Variants in UNKL observed in about 807,000 individuals in gnomAD.
UNKL encodes putative E3 ubiquitin-protein ligase UNKL.
A neutral mutation model predicts 78.0 loss-of-function variants in UNKL; 60 were observed. The ratio of observed to expected loss-of-function variants is 0.77; its 90% CI spans 0.63 to 0.95. The LOEUF (loss-of-function observed/expected upper bound fraction) is 0.95, where lower values mean the gene tolerates loss of function less well. UNKL is among the 40% of genes least tolerant of loss of function. The pLI is 0.00. For synonymous variants in UNKL, 608 were observed against 474.8 expected (o/e 1.28, Z -3.65); for missense variants, 1,159 against 1,045.7 (o/e 1.11, Z -1.49).
In UNKL at chr16:1,363,321, G is replaced by A. The variant is rs1205292619; in HGVS notation, c.*2919C>T. ...TTTAAACAAGTGTTAACTTTAAACA[G>A]TTCGCTACAAGTAAATGATTATAAA... On this transcript the variant is annotated 3_prime_UTR_variant, in exon 15 of 15. Transcript: ENST00000389221. 1.8e-6 allele frequency: 1 copy of A among 544,426 alleles called. No individual in the cohort carries two copies. The highest frequency in any genetic ancestry group is 3.1e-5 in the Admixed American group (1 of 32,294). The allele number at this position is 544,426 out of a possible 1,614,324, so 33.7% of individuals were successfully genotyped here.
chr16:1,412,845 C>T (rs985624441), intron 2 of UNKL, among the ~76,000 whole-genome samples: 2 of 151,208 alleles, frequency 1.3e-5, no homozygotes, highest in Admixed American at 6.6e-5. Context: ...ATCGCTGTGC[C>T]CAGGAGGTTG....
Position 1,403,170 on chromosome 16 carries a change from G to T in UNKL, c.462C>A (p.Val154=). Residue 154 remains valine (V), a splice_region_variant and synonymous_variant, in exon 3 of 15, where the codon GTC becomes GTA. Coordinates refer to ENST00000389221, the MANE Select transcript of UNKL (RefSeq NM_001372107.1). This position sits in a 1 kb window ranked among gnomAD's most constrained non-coding sequence, Gnocchi z 4.8. ...PLDLRPPVCD[V]RELQAQEALQ... is the part of the protein sequence containing the mutation. ...CCCACTCGTGGATGCCCACTCACCTGACGTCACACACGGGCGGCCGCAGGT... is the reference window on the plus strand; with the variant it reads ...CCCACTCGTGGATGCCCACTCACCTTACGTCACACACGGGCGGCCGCAGGT... The T allele has an allele frequency of 6.2e-7, 1 of 1,610,802 alleles. No homozygotes were observed. The highest frequency in any genetic ancestry group is 1.1e-5 in the South Asian group (1 of 90,844).
At chr16:1,400,631 C>T (rs938513997) in intron 4 of UNKL, among the ~76,000 whole-genome samples, 2 of 151,772 alleles carry the variant, frequency 1.3e-5, no homozygotes, top group African/African-American at 2.4e-5. Context: ...ACACTGCAGA[C>T]GTGCTAAATG....
chr16:1,393,059 G>A lies in UNKL; in HGVS notation c.938-83C>T, dbSNP rs183016121. ...CAGAAGTCTCCGCACCACACGTCAG[G>A]GCCGAGTGTGCGCAGCCTCGTCACA... On this transcript the variant is annotated intron_variant, in intron 7 of 14. Transcript: ENST00000389221. 465 of 1,386,150 alleles carry A rather than the reference G, an allele frequency of 3.4e-4. 6 individuals are homozygous for A. The East Asian group carries it at 1.0e-2, about 30-fold the overall frequency. 85.9% of individuals were successfully genotyped at this position (1,386,150 alleles called of 1,614,324 possible).
chr16:1,405,334 G>A (rs1293007327), intron 2 of UNKL, among the ~76,000 whole-genome samples: 4 of 152,114 alleles, frequency 2.6e-5, no homozygotes, highest in South Asian at 2.1e-4. Flanking sequence ...AGTGGCTCAC[G>A]CCTGTGATCC....
intron 7 of UNKL, among the ~76,000 whole-genome samples, chr16:1,393,373 A>G (rs2037130089): frequency 6.6e-6 from 1 of 151,940 alleles, no homozygotes; most frequent in African/African-American, 2.4e-5. Context: ...AACCCACTGC[A>G]GCGTGGAGGA....
At position 1,363,604 on chromosome 16, in the gene UNKL, G is replaced by T. The variant is rs1387634898; in HGVS notation, c.*2636C>A. Reference sequence around the variant, plus strand: ...ACGCCCCGTGCCCGCCATGGCCACAGGGGGGAGCTGCTGGGCGCGCCTCCA... The same window carrying T: ...ACGCCCCGTGCCCGCCATGGCCACATGGGGGAGCTGCTGGGCGCGCCTCCA... On this transcript the variant is annotated 3_prime_UTR_variant, in exon 15 of 15. Coordinates refer to ENST00000389221, the MANE Select transcript of UNKL (RefSeq NM_001372107.1). 3 of 210,604 alleles carry T rather than the reference G, an allele frequency of 1.4e-5. No homozygotes were observed. Among genetic ancestry groups the T allele is most frequent in the Admixed American group, 5.3e-5 (1 of 18,700 alleles). 13.0% of individuals were successfully genotyped at this position (210,604 alleles called of 1,614,324 possible). A position where few individuals can be genotyped will look rare whatever the true frequency, so the allele number is the denominator to read the frequency against.
intron 10 of UNKL, among the ~76,000 whole-genome samples, chr16:1,378,376 G>T (rs1483189168): frequency 1.3e-5 from 2 of 152,228 alleles, no homozygotes; most frequent in Non-Finnish European, 2.9e-5. Flanking sequence ...CCAGGATCAG[G>T]ATATGGCAGC....
chr16:1,412,681 G>A (rs1370840002), intron 2 of UNKL, among the ~76,000 whole-genome samples: 2 of 152,178 alleles, frequency 1.3e-5, no homozygotes, highest in Admixed American at 6.5e-5. Context: ...TAAACATCAA[G>A]AGACGAAACA....
In UNKL at chr16:1,385,295, C is replaced by A. The variant is rs1025202428; in HGVS notation, c.1177G>T (p.Gly393Cys). 1 of 1,374,758 alleles carries A rather than the reference C, an allele frequency of 7.3e-7. No individual in the cohort carries two copies. Among genetic ancestry groups the A allele is most frequent in the East Asian group, 3.0e-5 (1 of 32,924 alleles). 85.2% of individuals were successfully genotyped at this position (1,374,758 alleles called of 1,614,324 possible). The change falls in exon 10 of 15, where the codon GGC becomes TGC. Residue 393 changes from glycine to cysteine, a missense_variant. Physicochemically the swap from Gly to Cys is radical, Grantham distance 159. Coordinates refer to ENST00000389221, the MANE Select transcript of UNKL (RefSeq NM_001372107.1). ...ASSLASSAGS[G>C]SSSPTALPAP... ...GGCAGCGCAGTGGGGGAGGAGCTGC[C>A]GGAGCCGGCGCTGGACGCCAGGCTG...
Position 1,364,403 on chromosome 16 carries a change from C to T in UNKL, c.*1837G>A, listed in dbSNP as rs2035067191. ...GCACTTAAAAAATGCTATTAAAAGT[C>T]TTTGGCAAAGCCACGGTCGGGGAGA... On this transcript the variant is annotated 3_prime_UTR_variant, in exon 15 of 15. Transcript: ENST00000389221. 6.6e-6 allele frequency: 1 copy of T among 152,246 alleles called. No individual in the cohort carries two copies. Among genetic ancestry groups the T allele is most frequent in the Non-Finnish European group, 1.5e-5 (1 of 68,038 alleles). 9.4% of individuals were successfully genotyped at this position (152,246 alleles called of 1,614,324 possible).
In UNKL at chr16:1,367,001, G is replaced by A. The variant is rs1007032462; in HGVS notation, c.2046+91C>T. The A allele has an allele frequency of 1.3e-5, 19 of 1,437,284 alleles. No homozygotes were observed. The Admixed American group carries it at 1.7e-4, about 12-fold the overall frequency. 89.0% of individuals were successfully genotyped at this position (1,437,284 alleles called of 1,614,324 possible). ...AGCAGACCCTGGGGCAGGGGAGGAA[G>A]GGGACACCGCACCAGCCAGGGCCCT... On this transcript the variant is annotated intron_variant, in intron 14 of 14. Transcript: ENST00000389221.
At chr16:1,390,814 G>C in intron 8 of UNKL, 120 bp from the exon 9 acceptor site, 1 of 1,056,504 alleles carries the variant, frequency 9.5e-7, no homozygotes. Flanking sequence ...CGGATCATCT[G>C]AGCTCAGGAG....
chr16:1,409,291 T>C (rs2037926813), intron 2 of UNKL, among the ~76,000 whole-genome samples: 1 of 152,148 alleles, frequency 6.6e-6, no homozygotes, highest in Non-Finnish European at 1.5e-5. Context: ...TATTTACAAA[T>C]TCCGAGGCAA....
Position 1,385,315 on chromosome 16 carries a change from A to G in UNKL, c.1157T>C (p.Leu386Pro). 7.1e-7 allele frequency: 1 copy of G among 1,412,174 alleles called. No individual in the cohort carries two copies. Among genetic ancestry groups the G allele is most frequent in the Non-Finnish European group, 9.2e-7 (1 of 1,087,910 alleles). The allele number at this position is 1,412,174 out of a possible 1,614,324, so 87.5% of individuals were successfully genotyped here. ...PSVSSSVASSLASSAGSGSSS... is the reference protein window; with the variant it reads ...PSVSSSVASSPASSAGSGSSS... ...GCTGCCGGAGCCGGCGCTGGACGCCAGGCTGGACGCCACGCTGGAGCTCAC... is the reference window on the plus strand; with the variant it reads ...GCTGCCGGAGCCGGCGCTGGACGCCGGGCTGGACGCCACGCTGGAGCTCAC... Residue 386 changes from leucine (L) to proline (P), a missense_variant, in exon 10 of 15, where the codon CTG (leucine) becomes CCG (proline). Leu to Pro is a moderately conservative substitution (Grantham distance 98). Coordinates refer to ENST00000389221, the MANE Select transcript of UNKL (RefSeq NM_001372107.1).
At chr16:1,377,317 A>G (rs897940575) in intron 10 of UNKL, among the ~76,000 whole-genome samples, 20 of 152,216 alleles carry the variant, frequency 1.3e-4, no homozygotes, top group African/African-American at 3.4e-4. Flanking sequence ...CACCATGCCC[A>G]GCCTCAAATG....
chr16:1,410,592 G>C (rs946904720), intron 2 of UNKL, among the ~76,000 whole-genome samples: 4 of 152,188 alleles, frequency 2.6e-5, no homozygotes, highest in African/African-American at 9.6e-5. Context: ...GGGTGACATA[G>C]AGTGCTGCCA....
intron 12 of UNKL, 122 bp downstream of exon 12, chr16:1,370,008 T>C (rs1203677943): frequency 1.9e-6 from 3 of 1,551,004 alleles, no homozygotes; most frequent in African/African-American, 1.4e-5. Context: ...GCAGGTCATG[T>C]GGTTTGCCAC....
intron 6 of UNKL, chr16:1,394,522 G>A (rs1471510043): frequency 1.8e-6 from 1 of 564,280 alleles, no homozygotes; most frequent in African/African-American, 1.9e-5. Flanking sequence ...TTCAGAGTCT[G>A]GTATGCAGCA....
Sources: gnomAD v4.1 joint callset for allele counts (sites outside exome capture counted in the v4.1 genomes callset) on GRCh38, gnomAD v4.1.1 for gene constraint, Gnocchi (gnomAD v3.1) non-coding constraint, MANE v1.5 for transcripts, NCBI Gene and HGNC (gene_info 2026-07-23, HGNC 2026-07-21) for gene names.